The following OTUD7A variants were observed in gnomAD, a reference collection of about 807,000 sequenced individuals.
The protein encoded by OTUD7A is OTU deubiquitinase 7A.
A neutral mutation model predicts 65.7 loss-of-function variants in OTUD7A; 12 were observed. The observed-to-expected ratio is 0.18, with a 90% CI of 0.12 to 0.30. OTUD7A has a LOEUF of 0.30. Among genes scored for constraint, OTUD7A ranks in the 10% least tolerant of loss-of-function variants. OTUD7A has a pLI of 1.00. For synonymous variants in OTUD7A, 641 were observed against 586.3 expected (o/e 1.09, Z -1.35); for missense variants, 1,148 against 1,304.8 (o/e 0.88, Z 1.85).
At chr15:31,598,719 C>T (rs1453767037) in intron 3 of OTUD7A, among the ~76,000 whole-genome samples, 2 of 152,160 alleles carry the variant, frequency 1.3e-5, no homozygotes, top group African/African-American at 4.8e-5. Flanking sequence ...CTCAGTGGGT[C>T]CCACCCCCAT....
At chr15:31,864,832 CA>C (rs1897837535) in intron 1 of OTUD7A, among the ~76,000 whole-genome samples, 1 of 152,092 alleles carries the variant, frequency 6.6e-6, no homozygotes, top group East Asian at 1.9e-4. Flanking sequence ...GCCTTGGTTA[CA>C]AGTGCAAACT....
At chr15:31,595,003 T>A (rs1889860392) in intron 3 of OTUD7A, among the ~76,000 whole-genome samples, 1 of 152,250 alleles carries the variant, frequency 6.6e-6, no homozygotes, top group Non-Finnish European at 1.5e-5. Flanking sequence ...TACTGTGTGC[T>A]GTTTTAATAC....
chr15:31,775,013 C>A (rs1363051350), intron 1 of OTUD7A, among the ~76,000 whole-genome samples: 1 of 150,698 alleles, frequency 6.6e-6, no homozygotes, highest in Non-Finnish European at 1.5e-5. Flanking sequence ...AAAAGAGACA[C>A]AACATCACAT....
chr15:31,567,661 G>C (rs796405892), intron 4 of OTUD7A, among the ~76,000 whole-genome samples: 47 of 152,362 alleles, frequency 3.1e-4, no homozygotes, highest in African/African-American at 1.1e-3. Flanking sequence ...GCATTTCAGA[G>C]ACCTTCACAG....
intron 1 of OTUD7A, among the ~76,000 whole-genome samples, chr15:31,735,840 C>T (rs1175914293): frequency 6.6e-6 from 1 of 152,110 alleles, no homozygotes; most frequent in African/African-American, 2.4e-5. Context: ...GCTGGATAAA[C>T]AAAATGTGGT....
chr15:31,606,012 C>T (rs1228005441), intron 3 of OTUD7A, among the ~76,000 whole-genome samples: 1 of 152,196 alleles, frequency 6.6e-6, no homozygotes, highest in Non-Finnish European at 1.5e-5. Context: ...TTTAGAAGAA[C>T]ATTATTAAAA....
At chr15:31,619,155 C>T (rs1400546301) in intron 3 of OTUD7A, among the ~76,000 whole-genome samples, 1 of 152,132 alleles carries the variant, frequency 6.6e-6, no homozygotes, top group Admixed American at 6.6e-5. Context: ...GGTACCAGTA[C>T]CATGCTGTTT....
At chr15:31,694,947 G>A (rs1348892580) in intron 1 of OTUD7A, among the ~76,000 whole-genome samples, 3 of 151,806 alleles carry the variant, frequency 2.0e-5, no homozygotes, top group African/African-American at 4.8e-5. Context: ...CTGGGTTCAC[G>A]TCATTCTCCT....
intron 5 of OTUD7A, among the ~76,000 whole-genome samples, chr15:31,552,027 G>A (rs1013037021): frequency 1.3e-5 from 2 of 152,182 alleles, no homozygotes; most frequent in Admixed American, 6.5e-5. Context: ...GGGTGGATTC[G>A]TCATGAATGG....
intron 1 of OTUD7A, among the ~76,000 whole-genome samples, chr15:31,844,422 A>C (rs2140997535): frequency 6.6e-6 from 1 of 152,340 alleles, no homozygotes; most frequent in African/African-American, 2.4e-5. Context: ...ACTTGAACCC[A>C]GGAGGCGGAG....
Position 31,660,354 on chromosome 15 carries a change from C to T in OTUD7A, c.-99-3277G>A, listed in dbSNP as rs150297134. On this transcript the variant is annotated intron_variant, in intron 1 of 12. Coordinates refer to ENST00000307050, the MANE Select transcript of OTUD7A (RefSeq NM_001382637.1). ...AGACGCCATTGTGACCTTGGGCAAG[C>T]GTGGTGCACTAGGGCAGAAAGGCTT... Among the ~76,000 whole-genome samples, 349 of 152,300 alleles carry T rather than the reference C, an allele frequency of 2.3e-3. 2 individuals are homozygous for T. The highest frequency in any genetic ancestry group is 0.019 in the East Asian group (96 of 5,178).
intron 3 of OTUD7A, among the ~76,000 whole-genome samples, chr15:31,612,298 G>A (rs942899318): frequency 5.9e-5 from 9 of 152,170 alleles, no homozygotes; most frequent in Non-Finnish European, 1.2e-4. Flanking sequence ...CCTAGCCAGG[G>A]CAATCAGACA....
chr15:31,733,957 C>T (rs1026782835), intron 1 of OTUD7A, among the ~76,000 whole-genome samples: 13 of 151,974 alleles, frequency 8.6e-5, no homozygotes, highest in African/African-American at 2.4e-4. Context: ...AGGTGAAACA[C>T]GTTAATATAA....
intron 10 of OTUD7A, among the ~76,000 whole-genome samples, chr15:31,490,399 A>T (rs1261623870): frequency 1.3e-5 from 2 of 152,242 alleles, no homozygotes; most frequent in Non-Finnish European, 2.9e-5. Context: ...CTAAAAAAAA[A>T]TCAAGATTTC....
chr15:31,667,753 A>G (rs1297510306), intron 1 of OTUD7A, among the ~76,000 whole-genome samples: 4 of 151,880 alleles, frequency 2.6e-5, no homozygotes, highest in Non-Finnish European at 5.9e-5. Flanking sequence ...GTCCCGTGTG[A>G]TTTATGCTTT....
chr15:31,569,706 G>C (rs550265511), intron 4 of OTUD7A, among the ~76,000 whole-genome samples: 1 of 152,226 alleles, frequency 6.6e-6, no homozygotes, highest in African/African-American at 2.4e-5. Context: ...GGAAATATGT[G>C]AAAGAACTAG....
At chr15:31,717,723 T>G (rs1454645077) in intron 1 of OTUD7A, among the ~76,000 whole-genome samples, 1 of 152,214 alleles carries the variant, frequency 6.6e-6, no homozygotes, top group African/African-American at 2.4e-5. Flanking sequence ...GTCTTTATAG[T>G]AGAATGATTT....
In OTUD7A at chr15:31,663,246, A is replaced by AACACACACACACACACACAC. The variant is rs531313199; in HGVS notation, c.-99-6189_-99-6170dup. On this transcript the variant is annotated intron_variant, in intron 1 of 12. Coordinates refer to ENST00000307050, the MANE Select transcript of OTUD7A (RefSeq NM_001382637.1). ...ATGCTGGGTGTGGGGTCTTGGGCTA[A>AACACACACACACACACACAC]ACACACACACACACACACACACACA... Among the ~76,000 whole-genome samples the AACACACACACACACACACAC allele has an allele frequency of 4.8e-3, 679 of 140,616 alleles. 1 individual carries two copies. Among genetic ancestry groups the AACACACACACACACACACAC allele is most frequent in the African/African-American group, 0.016 (599 of 37,362 alleles). 92.2% of individuals were successfully genotyped at this position (140,616 alleles called of 152,430 possible).
chr15:31,600,097 A>T (rs896155159), intron 3 of OTUD7A, among the ~76,000 whole-genome samples: 1 of 152,164 alleles, frequency 6.6e-6, no homozygotes, highest in Non-Finnish European at 1.5e-5. Context: ...AACTTCCCCA[A>T]CCTAGCAAGG....
Sources: allele counts gnomAD v4.1 joint callset (sites outside exome capture counted in the v4.1 genomes callset), GRCh38; gene constraint gnomAD v4.1.1; transcripts MANE v1.5; gene names NCBI Gene and HGNC (gene_info 2026-07-23, HGNC 2026-07-21).